Variants in TRIM13 observed in about 807,000 individuals in gnomAD.
TRIM13 encodes tripartite motif containing 13.
In TRIM13, 15 loss-of-function variants were observed where a neutral mutation model predicts 27.1. That is an observed-to-expected ratio of 0.55 (90% CI 0.37 to 0.85). The LOEUF (loss-of-function observed/expected upper bound fraction) is 0.85, where lower values mean the gene tolerates loss of function less well. TRIM13 is among the 40% of genes least tolerant of loss of function. The pLI is 0.00. For synonymous variants in TRIM13, 193 were observed against 171.5 expected (o/e 1.13, Z -0.98); for missense variants, 402 against 472.2 (o/e 0.85, Z 1.38).
chr13:50,009,020 CAAAAAA>C (rs35407149), intron 1 of TRIM13, among the ~76,000 whole-genome samples: 35 of 68,062 alleles, frequency 5.1e-4, no homozygotes, highest in South Asian at 2.6e-3. Flanking sequence ...AAAGCTGTCT[CAAAAAA>C]AAAAAAAAAA....
intron 1 of TRIM13, among the ~76,000 whole-genome samples, chr13:50,011,114 C>T (rs1473168193): frequency 6.6e-6 from 1 of 152,146 alleles, no homozygotes; most frequent in Non-Finnish European, 1.5e-5. Context: ...TTGCTCGATC[C>T]CTCCTAAGGC....
At chr13:50,006,076 GTAAGT>G (rs1874673290) in intron 1 of TRIM13, among the ~76,000 whole-genome samples, 1 of 152,046 alleles carries the variant, frequency 6.6e-6, no homozygotes, top group Admixed American at 6.6e-5. Context: ...ACCAAAATTT[GTAAGT>G]TAAGTCACTA....
chr13:50,006,346 T>TG (rs1874709651), intron 1 of TRIM13, among the ~76,000 whole-genome samples: 1 of 152,142 alleles, frequency 6.6e-6, no homozygotes, highest in African/African-American at 2.4e-5. Context: ...TCTTTGCCTT[T>TG]GGTGCCCTTT....
intron 1 of TRIM13, among the ~76,000 whole-genome samples, chr13:50,004,529 G>C (rs1874429198): frequency 6.6e-6 from 1 of 151,270 alleles, no homozygotes; most frequent in South Asian, 2.1e-4. Context: ...TTAGGAGGCT[G>C]AGGCAGGTGA....
chr13:50,015,465 G>A lies in TRIM13; in HGVS notation c.*2301G>A. On this transcript the variant is annotated 3_prime_UTR_variant, in exon 2 of 2. Coordinates refer to ENST00000378182, the MANE Select transcript of TRIM13 (RefSeq NM_213590.3). ...GGTTGATTTCCTAAGTGTGGCTGAT[G>A]GTAGCCTCTAGTTTGAAGTGAGGGA... is the stretch of plus-strand genomic sequence containing the variant. 1.3e-6 allele frequency: 2 copies of A among 1,505,856 alleles called. No individual in the cohort carries two copies. Among genetic ancestry groups the A allele is most frequent in the South Asian group, 2.4e-5 (2 of 83,536 alleles). The allele number at this position is 1,505,856 out of a possible 1,614,324, so 93.3% of individuals were successfully genotyped here.
chr13:50,005,102 C>T (rs781596025), intron 1 of TRIM13, among the ~76,000 whole-genome samples: 2 of 151,834 alleles, frequency 1.3e-5, no homozygotes, highest in African/African-American at 2.4e-5. Context: ...AACCAGAAAC[C>T]CCGAAAAAGA....
At chr13:50,008,514 T>C (rs1875110574) in intron 1 of TRIM13, among the ~76,000 whole-genome samples, 1 of 151,604 alleles carries the variant, frequency 6.6e-6, no homozygotes, top group Non-Finnish European at 1.5e-5. Context: ...GGTGCATGCC[T>C]GTAGTCTTAG....
chr13:50,006,378 A>G lies in TRIM13; in HGVS notation c.-6-5557A>G, dbSNP rs373426155. Among the ~76,000 whole-genome samples the G allele has an allele frequency of 3.3e-5, 5 of 152,040 alleles. No homozygotes were observed. In the East Asian group the frequency reaches 7.7e-4, roughly 23 times the overall value. On this transcript the variant is annotated intron_variant, in intron 1 of 1. Coordinates refer to ENST00000378182, the MANE Select transcript of TRIM13 (RefSeq NM_213590.3). ...CTTTTTCTCCTCCTCATCCCACCCA[A>G]TCACTTGGTATATTCTTTGTTTTCT... is the stretch of plus-strand genomic sequence containing the variant.
At chr13:50,001,981 T>C (rs972135525) in intron 1 of TRIM13, among the ~76,000 whole-genome samples, 12 of 152,182 alleles carry the variant, frequency 7.9e-5, no homozygotes, top group Non-Finnish European at 1.8e-4. Flanking sequence ...GAAACTAGTA[T>C]GTATAAGTGG....
rs184873534 is a variant in TRIM13 at position 49,998,884 on chromosome 13, C to T, written c.-7+1121C>T. ...CGCAGAGGTTGCAGTGAGCCAAGAT[C>T]GCGCCACTGCACTCCAGACTGGGCA... is the stretch of plus-strand genomic sequence containing the variant. On this transcript the variant is annotated intron_variant, in intron 1 of 1. Transcript: ENST00000378182. Among the ~76,000 whole-genome samples the T allele has an allele frequency of 4.3e-3, 647 of 149,666 alleles. 3 individuals carry two copies. Among genetic ancestry groups the T allele is most frequent in the Admixed American group, 9.2e-3 (137 of 14,952 alleles).
chr13:50,013,256 A>G lies in TRIM13; in HGVS notation c.*92A>G. ...ATTTGGTCAACGATTCTAGTCACAT[A>G]TTTTCCTCCAAAAGTATTCCTTCCA... On this transcript the variant is annotated 3_prime_UTR_variant, in exon 2 of 2. Transcript: ENST00000378182. The G allele has an allele frequency of 7.9e-7, 1 of 1,264,074 alleles. No homozygotes were observed. The highest frequency in any genetic ancestry group is 1.7e-5 in the South Asian group (1 of 59,568). The allele number at this position is 1,264,074 out of a possible 1,614,324, so 78.3% of individuals were successfully genotyped here. A position where few individuals can be genotyped will look rare whatever the true frequency, so the allele number is the denominator to read the frequency against.
At position 50,015,598 on chromosome 13, in the gene TRIM13, A is replaced by AG. The variant is rs1258827791; in HGVS notation, c.*2435dup. ...CTGCTTCTCGTTTGGCACGCATGTT[A>AG]GATGGCAGAGACCAAGAATTCAAGA... On this transcript the variant is annotated 3_prime_UTR_variant, in exon 2 of 2. Transcript: ENST00000378182. 3.7e-6 allele frequency: 6 copies of AG among 1,614,134 alleles called. No individual in the cohort carries two copies. In the Admixed American group the frequency reaches 1.0e-4, roughly 27 times the overall value.
intron 1 of TRIM13, among the ~76,000 whole-genome samples, chr13:50,002,144 C>T (rs1299685745): frequency 6.6e-6 from 1 of 152,076 alleles, no homozygotes; most frequent in Non-Finnish European, 1.5e-5. Context: ...AATCCCAGCA[C>T]TTTGGGAGGC....
intron 1 of TRIM13, among the ~76,000 whole-genome samples, chr13:50,008,294 A>G (rs1875079934): frequency 1.3e-5 from 2 of 152,184 alleles, no homozygotes; most frequent in South Asian, 4.1e-4. Flanking sequence ...TGATATGTGC[A>G]TATATCCCTG....
intron 1 of TRIM13, among the ~76,000 whole-genome samples, chr13:50,002,442 C>T (rs1334810697): frequency 1.3e-5 from 2 of 152,068 alleles, no homozygotes; most frequent in African/African-American, 4.8e-5. Flanking sequence ...TCTTATGAGG[C>T]TTATATTTAG....
chr13:50,007,291 C>G (rs970119442), intron 1 of TRIM13, among the ~76,000 whole-genome samples: 2 of 151,276 alleles, frequency 1.3e-5, no homozygotes, highest in Non-Finnish European at 2.9e-5. Flanking sequence ...GAGTTCAAGA[C>G]CAGCCTGTCC....
chr13:50,006,626 C>A (rs1179113693), intron 1 of TRIM13, among the ~76,000 whole-genome samples: 2 of 152,064 alleles, frequency 1.3e-5, no homozygotes, highest in Non-Finnish European at 2.9e-5. Context: ...AGTTTGACTT[C>A]ATTGTTCTGA....
intron 1 of TRIM13, 121 bp from the exon 2 acceptor site, chr13:50,011,814 T>G: frequency 8.1e-7 from 1 of 1,229,304 alleles, no homozygotes; most frequent in South Asian, 1.6e-5. Context: ...TCTCACTACT[T>G]TGTTTGGCTG....
chr13:50,013,045 G>GT lies in TRIM13; in HGVS notation c.1111dup (p.Tyr371LeufsTer14). The GT allele has an allele frequency of 2.5e-6, 4 of 1,613,922 alleles. No individual in the cohort carries two copies. Among genetic ancestry groups the GT allele is most frequent in the Non-Finnish European group, 3.4e-6 (4 of 1,179,952 alleles). On this transcript the variant is annotated frameshift_variant, in exon 2 of 2. Transcript: ENST00000378182. LOFTEE classifies it high-confidence loss of function. Reference sequence around the variant, plus strand: ...AACAGCCGATTTCATAGAACAATCAGTTTTTTACTGGGAACAGGTGACAGA... The same window carrying GT: ...AACAGCCGATTTCATAGAACAATCAGTTTTTTTACTGGGAACAGGTGACAGA...
Sources: gnomAD v4.1 joint callset for allele counts (sites outside exome capture counted in the v4.1 genomes callset) on GRCh38, gnomAD v4.1.1 for gene constraint, MANE v1.5 for transcripts, NCBI Gene and HGNC (gene_info 2026-07-23, HGNC 2026-07-21) for gene names.